CRYBG1: variants seen among roughly 807,000 people sequenced by gnomAD.
CRYBG1 encodes the protein crystallin beta-gamma domain containing 1.
CRYBG1 carries 139 observed loss-of-function variants against 189.2 expected under a neutral mutation model. The observed-to-expected ratio is 0.73, with a 90% CI of 0.64 to 0.85. The LOEUF is 0.85. Among genes scored for constraint, CRYBG1 ranks in the 40% least tolerant of loss-of-function variants. The probability of loss-of-function intolerance (pLI) is 0.00; values close to 1 mark genes in which losing one functional copy is unlikely to be tolerated. For missense variants in CRYBG1, 2,611 were observed against 2,675.8 expected (o/e 0.98, Z 0.53); for synonymous variants, 1,023 against 1,017.1 (o/e 1.01, Z -0.11).
chr6:106,400,401 T>C (rs1157463591), intron 1 of CRYBG1, among the ~76,000 whole-genome samples: 1 of 152,236 alleles, frequency 6.6e-6, no homozygotes, highest in Non-Finnish European at 1.5e-5. Context: ...ATTAGTGTAA[T>C]TGTGCTTATG....
At chr6:106,491,425 T>C (rs892247682) in intron 2 of CRYBG1, among the ~76,000 whole-genome samples, 7 of 152,190 alleles carry the variant, frequency 4.6e-5, no homozygotes, top group Non-Finnish European at 1.0e-4. Flanking sequence ...AGGGCTGAGA[T>C]AGAGCATAGA....
In CRYBG1 at chr6:106,520,471, T is replaced by G; in HGVS notation, c.3263T>G (p.Leu1088Trp). The G allele has an allele frequency of 6.2e-7, 1 of 1,614,210 alleles. No individual in the cohort carries two copies. Among genetic ancestry groups the G allele is most frequent in the Non-Finnish European group, 8.5e-7 (1 of 1,180,038 alleles). The change falls in exon 4 of 22, where the codon TTG (leucine) becomes TGG (tryptophan). Residue 1088 changes from leucine to tryptophan, a missense_variant. Transcript: ENST00000633556. ...TNGQDSPASL[L>W]NISAGSDDSV... The stretch of plus-strand genomic sequence containing the variant: ...GGCCAGGATAGCCCTGCCAGCCTTT[T>G]GAACATTTCTGCTGGTAGTGATGAT...
chr6:106,398,063 C>G (rs756410315), intron 1 of CRYBG1, among the ~76,000 whole-genome samples: 4 of 152,160 alleles, frequency 2.6e-5, no homozygotes, highest in Non-Finnish European at 5.9e-5. Flanking sequence ...ATCGCTCTCA[C>G]TGAGCTATTA....
intron 13 of CRYBG1, among the ~76,000 whole-genome samples, chr6:106,550,020 A>C (rs1774360411): frequency 6.6e-6 from 1 of 152,236 alleles, no homozygotes; most frequent in Non-Finnish European, 1.5e-5. Flanking sequence ...AGGTTCAGTC[A>C]CGTTCTGGCC....
In CRYBG1 at chr6:106,571,788, C is replaced by T. The variant is rs1775069121; in HGVS notation, c.*3222C>T. 3 of 475,194 alleles carry T rather than the reference C, an allele frequency of 6.3e-6. No individual in the cohort carries two copies. Among genetic ancestry groups the T allele is most frequent in the African/African-American group, 2.0e-5 (1 of 49,908 alleles). 29.4% of individuals were successfully genotyped at this position (475,194 alleles called of 1,614,324 possible). On this transcript the variant is annotated 3_prime_UTR_variant, in exon 22 of 22. Coordinates refer to ENST00000633556, the MANE Select transcript of CRYBG1 (RefSeq NM_001371242.2). ...GTGAAGGAACAGCTTGAAAAAACTTCGAATTTCTACTGACTACAGACAAAT... is the reference window on the plus strand; with the variant it reads ...GTGAAGGAACAGCTTGAAAAAACTTTGAATTTCTACTGACTACAGACAAAT...
At chr6:106,481,221 G>A (rs1259786121) in intron 2 of CRYBG1, among the ~76,000 whole-genome samples, 1 of 59,494 alleles carries the variant, frequency 1.7e-5, no homozygotes, top group East Asian at 2.5e-3. Context: ...TGATCCGCCC[G>A]CCTCGGCCTC....
At chr6:106,468,721 A>C (rs9320168) in intron 2 of CRYBG1, among the ~76,000 whole-genome samples, 39,651 of 151,966 alleles carry the variant, frequency 0.26, 5,395 homozygotes, top group East Asian at 0.37. Flanking sequence ...AAAGTGGCAT[A>C]TTTTTACTCT....
chr6:106,473,378 G>A (rs576158155), intron 2 of CRYBG1, among the ~76,000 whole-genome samples: 2 of 152,134 alleles, frequency 1.3e-5, no homozygotes, highest in African/African-American at 2.4e-5. Context: ...TTCTAGCATC[G>A]GTATGAACTC....
In CRYBG1 at chr6:106,360,766, C is replaced by T; in HGVS notation, c.-143C>T. 4 of 980,042 alleles carry T rather than the reference C, an allele frequency of 4.1e-6. No individual in the cohort carries two copies. The highest frequency in any genetic ancestry group is 2.8e-6 in the Non-Finnish European group (2 of 701,792). 60.7% of individuals were successfully genotyped at this position (980,042 alleles called of 1,614,324 possible). On this transcript the variant is annotated 5_prime_UTR_variant, in exon 1 of 22. Coordinates refer to ENST00000633556, the MANE Select transcript of CRYBG1 (RefSeq NM_001371242.2). The stretch of plus-strand genomic sequence containing the variant: ...GCTGGTTCTGCAACCCGCGGCCGTC[C>T]CCCCGCATCCGCGACGAGGGGGCGG...
At chr6:106,421,918 A>G (rs558267724) in intron 1 of CRYBG1, among the ~76,000 whole-genome samples, 2 of 152,308 alleles carry the variant, frequency 1.3e-5, no homozygotes, top group South Asian at 2.1e-4. Flanking sequence ...GGAAACTCCC[A>G]TTTTTAAAAC....
chr6:106,480,793 A>G (rs1562081218), intron 2 of CRYBG1, among the ~76,000 whole-genome samples: 1 of 151,746 alleles, frequency 6.6e-6, no homozygotes, highest in Non-Finnish European at 1.5e-5. Flanking sequence ...CCAACATGAC[A>G]AAGCCCTGTC....
At chr6:106,536,933 C>T (rs1774017464) in intron 8 of CRYBG1, among the ~76,000 whole-genome samples, 1 of 152,190 alleles carries the variant, frequency 6.6e-6, no homozygotes, top group South Asian at 2.1e-4. Flanking sequence ...GTGAATCATA[C>T]TCTGCATATG....
intron 2 of CRYBG1, among the ~76,000 whole-genome samples, chr6:106,504,120 T>TTA (rs1554186990): frequency 6.6e-6 from 1 of 151,498 alleles, no homozygotes. Context: ...AAGATTTTTT[T>TTA]AAAAAAAGAA....
intron 13 of CRYBG1, 80 bp downstream of exon 13, chr6:106,545,013 A>C: frequency 8.5e-7 from 1 of 1,170,706 alleles, no homozygotes; most frequent in Non-Finnish European, 1.2e-6. Context: ...TCTATCACAG[A>C]GTAGGCATTC....
In CRYBG1 at chr6:106,555,777, A is replaced by G. The variant is rs749639979; in HGVS notation, c.5595A>G (p.Val1865=). 11 of 1,614,052 alleles carry G rather than the reference A, an allele frequency of 6.8e-6. No individual in the cohort carries two copies. In the Middle Eastern group the frequency reaches 4.9e-4, roughly 72 times the overall value. The change falls in exon 17 of 22, where the codon GTA becomes GTG. Residue 1865 remains valine, a synonymous_variant. Coordinates refer to ENST00000633556, the MANE Select transcript of CRYBG1 (RefSeq NM_001371242.2). ...GTTTTTCCCATTGTAGCTGGGTTGT[A>G]TATGATGGAGAAAATTTCACTGGTA... The part of the protein sequence containing the change: ...SCRVSGGSWV[V]YDGENFTGNQ...
At chr6:106,462,525 G>A (rs1391371946) in intron 2 of CRYBG1, among the ~76,000 whole-genome samples, 1 of 152,176 alleles carries the variant, frequency 6.6e-6, no homozygotes, top group African/African-American at 2.4e-5. Flanking sequence ...AGTAAAAGTA[G>A]TTCCTGCTGG....
At chr6:106,401,661 G>GT (rs1256968870) in intron 1 of CRYBG1, among the ~76,000 whole-genome samples, 1 of 114,886 alleles carries the variant, frequency 8.7e-6, no homozygotes. Context: ...GCGGTGTTTG[G>GT]TTTTTTGTTC....
intron 13 of CRYBG1, among the ~76,000 whole-genome samples, chr6:106,547,317 C>A (rs2615209): frequency 0.82 from 124,532 of 151,918 alleles, 51,694 homozygotes; most frequent in South Asian, 0.95. Context: ...GTATTTATTG[C>A]GGTCTGTTAT....
At chr6:106,388,498 A>G (rs909066682) in intron 1 of CRYBG1, among the ~76,000 whole-genome samples, 1 of 152,152 alleles carries the variant, frequency 6.6e-6, no homozygotes, top group Non-Finnish European at 1.5e-5. Flanking sequence ...GCAACTTAAG[A>G]GCAAAGGCTC....
Sources: gnomAD v4.1 joint callset for allele counts (sites outside exome capture counted in the v4.1 genomes callset) on GRCh38, gnomAD v4.1.1 for gene constraint, MANE v1.5 for transcripts, NCBI Gene and HGNC (gene_info 2026-07-23, HGNC 2026-07-21) for gene names.